TACR1: variants seen among roughly 807,000 people sequenced by gnomAD.
TACR1 encodes substance-P receptor.
A neutral mutation model predicts 35.8 loss-of-function variants in TACR1; 25 were observed. The ratio of observed to expected loss-of-function variants is 0.70; its 90% confidence interval spans 0.51 to 0.98. The LOEUF (loss-of-function observed/expected upper bound fraction) is 0.98. Among genes scored for constraint, TACR1 ranks in the 50% least tolerant of loss-of-function variants. TACR1 has a pLI of 0.00. For missense variants in TACR1, 478 were observed against 522.9 expected, an observed-to-expected ratio of 0.91 and a Z score of 0.84; for synonymous variants, 195 against 206.7, an observed-to-expected ratio of 0.94 and a Z score of 0.48.
At chr2:75,142,568 T>C (rs1223269315) in intron 1 of TACR1, among the ~76,000 whole-genome samples, 2 of 152,166 alleles carry the variant, frequency 1.3e-5, no homozygotes, top group Admixed American at 6.5e-5. Context: ...TATGAACACA[T>C]TTTTGAGTGC....
rs201591019 is a variant in TACR1, at chr2:75,053,592, GT to G, written c.735+12del. ...GTGCCAGGGTGGGTTAGTTCTGCCTGTCCCCTGCTCACCTTGCGCTTGGCAG... is the reference window on the plus strand; with the variant it reads ...GTGCCAGGGTGGGTTAGTTCTGCCTGCCCCTGCTCACCTTGCGCTTGGCAG... On this transcript the variant is annotated intron_variant, in intron 3 of 4. Transcript: ENST00000305249. 0.04 allele frequency: 59,971 copies of G among 1,515,740 alleles called. 1,325 individuals are homozygous for G. Among genetic ancestry groups the G allele is most frequent in the South Asian group, 0.049 (3,626 of 74,152 alleles). The allele number at this position is 1,515,740 out of a possible 1,614,324, so 93.9% of individuals were successfully genotyped here.
intron 2 of TACR1, among the ~76,000 whole-genome samples, chr2:75,067,245 T>C: frequency 6.6e-6 from 1 of 152,236 alleles, no homozygotes; most frequent in Non-Finnish European, 1.5e-5. Context: ...AACTTCACAG[T>C]TCTTAGATGC....
chr2:75,088,268 C>T (rs1314652725), intron 2 of TACR1, among the ~76,000 whole-genome samples: 1 of 152,138 alleles, frequency 6.6e-6, no homozygotes, highest in Non-Finnish European at 1.5e-5. Flanking sequence ...TGCTGTCCAC[C>T]CTTATGTCCT....
intron 2 of TACR1, among the ~76,000 whole-genome samples, chr2:75,105,631 T>C (rs1233542514): frequency 6.6e-6 from 1 of 151,938 alleles, no homozygotes; most frequent in Non-Finnish European, 1.5e-5. Flanking sequence ...ACGCCGTAAA[T>C]GCACATACTT....
intron 2 of TACR1, among the ~76,000 whole-genome samples, chr2:75,057,836 T>G (rs1335657694): frequency 1.3e-5 from 2 of 152,194 alleles, no homozygotes; most frequent in African/African-American, 4.8e-5. Context: ...TGCACAACAT[T>G]GTGAATTTAC....
intron 2 of TACR1, among the ~76,000 whole-genome samples, chr2:75,070,776 A>G (rs979018854): frequency 6.6e-6 from 1 of 152,200 alleles, no homozygotes; most frequent in Non-Finnish European, 1.5e-5. Flanking sequence ...TAAGCAGGCT[A>G]TGCATAGCCA....
chr2:75,075,793 G>A (rs1242639771), intron 2 of TACR1, among the ~76,000 whole-genome samples: 1 of 152,170 alleles, frequency 6.6e-6, no homozygotes, highest in Non-Finnish European at 1.5e-5. Context: ...TAAAAGGACA[G>A]AAGAAGATAT....
At chr2:75,095,209 G>A (rs1166862829) in intron 2 of TACR1, among the ~76,000 whole-genome samples, 1 of 152,092 alleles carries the variant, frequency 6.6e-6, no homozygotes, top group Non-Finnish European at 1.5e-5. Flanking sequence ...GTGGACATGT[G>A]GCTGGATTTC....
In TACR1 at chr2:75,120,544, T is replaced by A. The variant is rs550542777; in HGVS notation, c.584+30A>T. ...CAGGAAGGCAGCCTGCACCATCGTT[T>A]CTTTGGCATGGGGAGTCATCTCTAC... is the stretch of plus-strand genomic sequence containing the variant. On this transcript the variant is annotated intron_variant, in intron 2 of 4. Transcript: ENST00000305249. 366 of 1,553,570 alleles carry A rather than the reference T, an allele frequency of 2.4e-4. 1 individual carries two copies. The African/African-American group carries it at 4.6e-3, about 20-fold the overall frequency.
At chr2:75,186,541 G>T (rs1056203531) in intron 1 of TACR1, among the ~76,000 whole-genome samples, 2 of 150,374 alleles carry the variant, frequency 1.3e-5, no homozygotes, top group Admixed American at 6.6e-5. Flanking sequence ...AATATTTTAC[G>T]ATTTATTTAT....
At chr2:75,078,826 G>A (rs180837074) in intron 2 of TACR1, among the ~76,000 whole-genome samples, 18 of 152,290 alleles carry the variant, frequency 1.2e-4, no homozygotes, top group Admixed American at 1.1e-3. Context: ...TGAGCACCAT[G>A]ATCCATCTTT....
At chr2:75,069,858 C>T (rs1160555254) in intron 2 of TACR1, among the ~76,000 whole-genome samples, 1 of 152,114 alleles carries the variant, frequency 6.6e-6, no homozygotes, top group Non-Finnish European at 1.5e-5. Context: ...GCTTGATCTC[C>T]AGGCTGAGAC....
At chr2:75,181,628 G>T (rs941392034) in intron 1 of TACR1, among the ~76,000 whole-genome samples, 19 of 152,132 alleles carry the variant, frequency 1.2e-4, no homozygotes, top group African/African-American at 4.6e-4. Flanking sequence ...ACTCCAGCCT[G>T]CAGTGAGTTT....
intron 2 of TACR1, among the ~76,000 whole-genome samples, chr2:75,068,231 G>A (rs1672805840): frequency 6.6e-6 from 1 of 152,170 alleles, no homozygotes; most frequent in Non-Finnish European, 1.5e-5. Flanking sequence ...AAGAGTTGAT[G>A]TGGTCTTGAG....
intron 1 of TACR1, among the ~76,000 whole-genome samples, chr2:75,156,664 T>A (rs1674867039): frequency 6.6e-6 from 1 of 151,830 alleles, no homozygotes; most frequent in South Asian, 2.1e-4. Context: ...GCACAGCCCT[T>A]CCAACACCTC....
chr2:75,124,547 G>A (rs3771820), intron 1 of TACR1, among the ~76,000 whole-genome samples: 73,070 of 152,008 alleles, frequency 0.48, 18,377 homozygotes, highest in Non-Finnish European at 0.54. Context: ...AGCTGAGAGT[G>A]TGGCTGCTAT....
chr2:75,145,715 A>G lies in TACR1; in HGVS notation c.390-24947T>C, dbSNP rs564414943. Among the ~76,000 whole-genome samples the G allele has an allele frequency of 2.6e-5, 4 of 152,354 alleles. No individual in the cohort carries two copies. In the South Asian group the frequency reaches 8.3e-4, roughly 32 times the overall value. On this transcript the variant is annotated intron_variant, in intron 1 of 4. Coordinates refer to ENST00000305249, the MANE Select transcript of TACR1 (RefSeq NM_001058.4). ...TATTCCTTTACTAAAAGAAATAGAA[A>G]TTTGAGTAAGCAAAGAAGCATTACA...
intron 1 of TACR1, among the ~76,000 whole-genome samples, chr2:75,163,846 T>G (rs1675072121): frequency 6.6e-6 from 1 of 152,160 alleles, no homozygotes; most frequent in Admixed American, 6.5e-5. Context: ...TCAATGAAAT[T>G]TAAAATGAAT....
chr2:75,047,927 C>T lies in TACR1; in HGVS notation c.*1505G>A, dbSNP rs1320374756. 1 of 152,094 alleles carries T rather than the reference C, an allele frequency of 6.6e-6. No individual in the cohort carries two copies. Among genetic ancestry groups the T allele is most frequent in the African/African-American group, 2.4e-5 (1 of 41,418 alleles). 9.4% of individuals were successfully genotyped at this position (152,094 alleles called of 1,614,324 possible). A position where few individuals can be genotyped will look rare whatever the true frequency, so the allele number is the denominator to read the frequency against. ...GGACATTCATGGATGTTACATGAAG[C>T]TTCTGCTTCCAGCCATATCTGGAAA... On this transcript the variant is annotated 3_prime_UTR_variant, in exon 5 of 5. Transcript: ENST00000305249.
Sources: allele counts gnomAD v4.1 joint callset (sites outside exome capture counted in the v4.1 genomes callset), GRCh38; gene constraint gnomAD v4.1.1; transcripts MANE v1.5; gene names NCBI Gene and HGNC (gene_info 2026-07-23, HGNC 2026-07-21).